The following NBAS variants were observed in gnomAD, a reference collection of about 807,000 sequenced individuals.
NBAS encodes NBAS subunit of NRZ tethering complex, also known as NAG/BC035112 fusion.
Under a neutral mutation model 302.5 loss-of-function variants are expected in NBAS, and 219 were observed. The ratio of observed to expected loss-of-function variants is 0.72; its 90% CI spans 0.65 to 0.81. NBAS has a LOEUF of 0.81. Among genes scored for constraint, NBAS ranks in the 30% least tolerant of loss-of-function variants. The pLI is 0.00. For synonymous variants in NBAS, 1,118 were observed against 1,021.6 expected (o/e 1.09, Z -1.80); for missense variants, 2,932 against 2,841.6 (o/e 1.03, Z -0.72).
the NBAS span, among the ~76,000 whole-genome samples, chr2:14,830,012 C>T: frequency 0.57 from 86,494 of 152,020 alleles, 26,959 homozygotes; most frequent in African/African-American, 0.84. Flanking sequence ...AATATAGAGG[C>T]TGGTCCAGTT....
At chr2:15,242,945 G>A (rs957969132) in intron 44 of NBAS, among the ~76,000 whole-genome samples, 2 of 152,078 alleles carry the variant, frequency 1.3e-5, no homozygotes, top group Non-Finnish European at 2.9e-5. Flanking sequence ...GGCTTACAAA[G>A]AAACCACATA....
intron 35 of NBAS, among the ~76,000 whole-genome samples, chr2:15,349,757 C>T (rs1480491966): frequency 3.3e-5 from 5 of 152,092 alleles, no homozygotes; most frequent in Non-Finnish European, 5.9e-5. Context: ...AGTTCAAGAC[C>T]GGCCTGGCCA....
At chr2:14,784,083 AT>A in the NBAS span, among the ~76,000 whole-genome samples, 2 of 151,808 alleles carry the variant, frequency 1.3e-5, no homozygotes, top group African/African-American at 4.8e-5. Context: ...GATGGTGAGC[AT>A]TTTTTCATGT....
intron 16 of NBAS, among the ~76,000 whole-genome samples, chr2:15,469,488 CAT>C: frequency 6.6e-6 from 1 of 152,062 alleles, no homozygotes; most frequent in Non-Finnish European, 1.5e-5. Flanking sequence ...CACTACTGGG[CAT>C]ATACCCAAAG....
At chr2:15,278,166 T>G (rs1194745153) in intron 42 of NBAS, among the ~76,000 whole-genome samples, 1 of 152,234 alleles carries the variant, frequency 6.6e-6, no homozygotes, top group African/African-American at 2.4e-5. Context: ...GTATAAATCA[T>G]GTTTTAAAAC....
rs1470198446 is a variant in NBAS, at chr2:15,190,405, TGGA to T, written c.6433-5_6433-3del. ...ATTCTCAATGTCAGCTATGTCTACC[TGGA>T]AGAAGAAATACACACTTAAAGCTGG... On this transcript the variant is annotated splice_polypyrimidine_tract_variant and splice_region_variant and intron_variant, in intron 48 of 51. Coordinates refer to ENST00000281513, the MANE Select transcript of NBAS (RefSeq NM_015909.4). 6 of 1,613,750 alleles carry T rather than the reference TGGA, an allele frequency of 3.7e-6. No individual in the cohort carries two copies. Among genetic ancestry groups the T allele is most frequent in the Non-Finnish European group, 5.1e-6 (6 of 1,179,876 alleles).
At chr2:15,366,820 G>C in intron 31 of NBAS, 127 bp from the exon 32 acceptor site, 1 of 797,964 alleles carries the variant, frequency 1.3e-6, no homozygotes, top group Non-Finnish European at 2.2e-6. Context: ...GGAGAATTAA[G>C]TAAAAGTAAA....
chr2:15,193,796 G>T (rs745323101), intron 48 of NBAS, among the ~76,000 whole-genome samples: 2 of 151,820 alleles, frequency 1.3e-5, no homozygotes, highest in Non-Finnish European at 2.9e-5. Flanking sequence ...AAAATAAAAG[G>T]TAAACTTATG....
At chr2:15,268,872 A>T (rs907634338) in intron 44 of NBAS, among the ~76,000 whole-genome samples, 11 of 152,184 alleles carry the variant, frequency 7.2e-5, no homozygotes, top group African/African-American at 2.7e-4. Context: ...ATTATTTATT[A>T]CTTTTTCCTG....
the NBAS span, among the ~76,000 whole-genome samples, chr2:15,158,311 T>TG: frequency 6.6e-6 from 1 of 152,124 alleles, no homozygotes; most frequent in Non-Finnish European, 1.5e-5. Context: ...GCCACGGGGT[T>TG]GGGGTTGCTT....
At chr2:15,372,411 G>T (rs1674529637) in intron 31 of NBAS, among the ~76,000 whole-genome samples, 2 of 152,158 alleles carry the variant, frequency 1.3e-5, no homozygotes, top group South Asian at 4.1e-4. Flanking sequence ...GCAACTCCTG[G>T]AGTGTAGGCA....
the NBAS span, among the ~76,000 whole-genome samples, chr2:15,089,343 C>T: frequency 2.0e-5 from 3 of 151,894 alleles, no homozygotes; most frequent in African/African-American, 4.8e-5. Context: ...AATATGTGCC[C>T]GAAGTATTTT....
At chr2:15,553,305 TTAAG>T (rs1389743723) in intron 5 of NBAS, 117 bp downstream of exon 5, 6 of 925,022 alleles carry the variant, frequency 6.5e-6, no homozygotes, top group Non-Finnish European at 1.0e-5. Flanking sequence ...ACTCACAAAA[TTAAG>T]TGAGTTAATA....
At chr2:15,517,616 G>A (rs1264786556) in intron 9 of NBAS, among the ~76,000 whole-genome samples, 3 of 152,264 alleles carry the variant, frequency 2.0e-5, no homozygotes, top group East Asian at 1.9e-4. Context: ...TAGTAGGTAC[G>A]TAGTTTTACA....
chr2:15,206,160 C>G (rs192565030), intron 48 of NBAS, among the ~76,000 whole-genome samples: 1 of 152,154 alleles, frequency 6.6e-6, no homozygotes, highest in Non-Finnish European at 1.5e-5. Flanking sequence ...GAGGTGGTCT[C>G]AGATGGAGAT....
the NBAS span, among the ~76,000 whole-genome samples, chr2:14,888,710 A>G: frequency 1.3e-5 from 2 of 152,352 alleles, no homozygotes; most frequent in East Asian, 3.9e-4. Flanking sequence ...CATGAAAGTC[A>G]TAACATAACC....
chr2:15,065,183 C>T, the NBAS span, among the ~76,000 whole-genome samples: 2 of 151,988 alleles, frequency 1.3e-5, no homozygotes, highest in Non-Finnish European at 2.9e-5. Context: ...TCAAGTTGTA[C>T]ACCTTAAATA....
intron 48 of NBAS, among the ~76,000 whole-genome samples, chr2:15,197,718 TCCTC>T (rs1436741939): frequency 6.6e-6 from 1 of 152,182 alleles, no homozygotes; most frequent in East Asian, 1.9e-4. Flanking sequence ...TAATGGTACT[TCCTC>T]CCATTACTAT....
the NBAS span, among the ~76,000 whole-genome samples, chr2:14,877,888 C>T: frequency 6.6e-6 from 1 of 152,130 alleles, no homozygotes; most frequent in Admixed American, 6.5e-5. Flanking sequence ...CCACCAGTCA[C>T]CTTTAACCTT....
Sources: allele counts gnomAD v4.1 joint callset (sites outside exome capture counted in the v4.1 genomes callset), GRCh38; gene constraint gnomAD v4.1.1; transcripts MANE v1.5; gene names NCBI Gene and HGNC (gene_info 2026-07-23, HGNC 2026-07-21).